ERBB4: variants seen among roughly 807,000 people sequenced by gnomAD.
ERBB4 encodes erb-b2 receptor tyrosine kinase 4.
A neutral mutation model predicts 158.0 loss-of-function variants in ERBB4; 42 were observed. The ratio of observed to expected loss-of-function variants is 0.27; its 90% CI spans 0.21 to 0.34. The LOEUF is 0.34. Among genes scored for constraint, ERBB4 ranks in the 10% least tolerant of loss-of-function variants. The pLI is 1.00. For synonymous variants in ERBB4, 583 were observed against 558.7 expected (o/e 1.04, Z -0.61); for missense variants, 1,333 against 1,624.1 (o/e 0.82, Z 3.08).
chr2:211,521,360 C>T (rs1301297902), intron 20 of ERBB4, among the ~76,000 whole-genome samples: 2 of 152,058 alleles, frequency 1.3e-5, no homozygotes, highest in Non-Finnish European at 2.9e-5. Flanking sequence ...TCATCTAGAC[C>T]AAAGCCTAAT....
At chr2:211,513,654 C>G (rs886814454) in intron 20 of ERBB4, among the ~76,000 whole-genome samples, 5 of 151,944 alleles carry the variant, frequency 3.3e-5, no homozygotes, top group Admixed American at 3.3e-4. Context: ...TTTTCAAACC[C>G]CAGGAAAAGA....
chr2:212,175,115 C>G (rs767709715), intron 1 of ERBB4, among the ~76,000 whole-genome samples: 2 of 152,052 alleles, frequency 1.3e-5, no homozygotes, highest in African/African-American at 2.4e-5. Context: ...ACCATATCAT[C>G]TCTAAAACTT....
intron 3 of ERBB4, among the ~76,000 whole-genome samples, chr2:211,942,894 G>C (rs1006698283): frequency 6.6e-6 from 1 of 151,910 alleles, no homozygotes; most frequent in South Asian, 2.1e-4. Context: ...ATAAATATAG[G>C]TATATGTGTA....
chr2:212,070,272 C>A (rs748366092), intron 2 of ERBB4, among the ~76,000 whole-genome samples: 1 of 147,696 alleles, frequency 6.8e-6, no homozygotes. Flanking sequence ...AGTATCAATA[C>A]TTCTTAAATT....
chr2:212,307,459 G>T (rs1353237369), intron 1 of ERBB4, among the ~76,000 whole-genome samples: 4 of 150,570 alleles, frequency 2.7e-5, no homozygotes, highest in African/African-American at 4.9e-5. Flanking sequence ...TTCAATACTA[G>T]TTATAAAAAG....
At chr2:211,871,454 C>T (rs190990215) in intron 3 of ERBB4, among the ~76,000 whole-genome samples, 1 of 151,764 alleles carries the variant, frequency 6.6e-6, no homozygotes, top group Non-Finnish European at 1.5e-5. Context: ...CATCTCTCTA[C>T]CATGTGCCTT....
chr2:211,761,915 G>C (rs1399373215), intron 4 of ERBB4, among the ~76,000 whole-genome samples: 1 of 152,060 alleles, frequency 6.6e-6, no homozygotes, highest in Non-Finnish European at 1.5e-5. Context: ...CTCCTTTCAG[G>C]CTCCATTATT....
chr2:211,464,917 TTAA>T (rs1367541115), intron 20 of ERBB4, among the ~76,000 whole-genome samples: 2 of 151,634 alleles, frequency 1.3e-5, no homozygotes, highest in Non-Finnish European at 2.9e-5. Flanking sequence ...AAGCAGAGGC[TTAA>T]TGAGAGGCAT....
intron 1 of ERBB4, among the ~76,000 whole-genome samples, chr2:212,148,439 A>G (rs191677583): frequency 1.3e-5 from 2 of 152,304 alleles, no homozygotes; most frequent in African/African-American, 4.8e-5. Context: ...GCACAGAAAA[A>G]CATATAGGAT....
At chr2:211,824,560 G>A (rs1212759744) in intron 3 of ERBB4, among the ~76,000 whole-genome samples, 2 of 151,834 alleles carry the variant, frequency 1.3e-5, no homozygotes, top group Non-Finnish European at 1.5e-5. Flanking sequence ...TGAGAAAAAC[G>A]AAATGCTACT....
chr2:212,106,386 G>A (rs557254541), intron 2 of ERBB4, among the ~76,000 whole-genome samples: 7 of 152,320 alleles, frequency 4.6e-5, no homozygotes, highest in East Asian at 1.9e-4. Flanking sequence ...CTAGAGATTC[G>A]TGGAACTTTG....
At chr2:211,470,842 A>G (rs993573245) in intron 20 of ERBB4, among the ~76,000 whole-genome samples, 2 of 152,216 alleles carry the variant, frequency 1.3e-5, no homozygotes, top group Admixed American at 1.3e-4. Flanking sequence ...TGCAGCAACT[A>G]TCATTCATGC....
chr2:212,529,962 T>G (rs1692660342), intron 1 of ERBB4, among the ~76,000 whole-genome samples: 1 of 152,166 alleles, frequency 6.6e-6, no homozygotes, highest in African/African-American at 2.4e-5. Flanking sequence ...TCAGTCTGGT[T>G]TTTAGACAGA....
At chr2:211,562,921 G>A (rs541661210) in intron 19 of ERBB4, among the ~76,000 whole-genome samples, 36 of 151,738 alleles carry the variant, frequency 2.4e-4, no homozygotes, top group African/African-American at 7.5e-4. Context: ...ACAGGCGCCC[G>A]CCACTACGCC....
chr2:211,956,891 G>A (rs2081050205), intron 2 of ERBB4, among the ~76,000 whole-genome samples: 1 of 152,014 alleles, frequency 6.6e-6, no homozygotes, highest in South Asian at 2.1e-4. Flanking sequence ...CTGGAGCGCA[G>A]TGGTGTGATC....
chr2:211,777,621 C>G (rs2075916250), intron 4 of ERBB4: 1 of 152,080 alleles, frequency 6.6e-6, no homozygotes. Context: ...AATCATCATC[C>G]AAGGATTTAC....
intron 19 of ERBB4, among the ~76,000 whole-genome samples, chr2:211,580,866 C>T (rs796135133): frequency 0.83 from 52,891 of 63,990 alleles, 22,472 homozygotes; most frequent in East Asian, 0.92. Flanking sequence ...TATGCATATA[C>T]ATATATATAT....
At chr2:212,017,028 T>C (rs1340108259) in intron 2 of ERBB4, among the ~76,000 whole-genome samples, 2 of 152,102 alleles carry the variant, frequency 1.3e-5, no homozygotes, top group African/African-American at 2.4e-5. Flanking sequence ...ATTTTTTAAA[T>C]AATTAAATAT....
intron 3 of ERBB4, among the ~76,000 whole-genome samples, chr2:211,855,618 A>G (rs1217286002): frequency 6.6e-6 from 1 of 152,090 alleles, no homozygotes; most frequent in Non-Finnish European, 1.5e-5. Flanking sequence ...TTCTTTCATA[A>G]AGACTCCCTC....
Sources: gnomAD v4.1 joint callset for allele counts (sites outside exome capture counted in the v4.1 genomes callset) on GRCh38, gnomAD v4.1.1 for gene constraint, MANE v1.5 for transcripts, NCBI Gene and HGNC (gene_info 2026-07-23, HGNC 2026-07-21) for gene names.